PIK3R3: variants seen among roughly 807,000 people sequenced by gnomAD.
PIK3R3 encodes phosphoinositide-3-kinase regulatory subunit 3, also known as phosphatidylinositol 3-kinase regulatory subunit gamma.
In PIK3R3, 64 loss-of-function variants were observed where a neutral mutation model predicts 62.9. The ratio of observed to expected loss-of-function variants is 1.02; its 90% confidence interval spans 0.83 to 1.25. The LOEUF is 1.25. Among genes scored for constraint, PIK3R3 ranks in the 50% most tolerant of loss-of-function variants. The pLI is 0.00. For missense variants in PIK3R3, 614 were observed against 561.6 expected, an observed-to-expected ratio of 1.09 and a Z score of -0.94; for synonymous variants, 165 against 189.0, an observed-to-expected ratio of 0.87 and a Z score of 1.04.
chr1:46,165,915 C>T, the PIK3R3 span, among the ~76,000 whole-genome samples: 4 of 151,080 alleles, frequency 2.6e-5, no homozygotes, highest in African/African-American at 7.3e-5. Flanking sequence ...GGACTACAGG[C>T]GCCCGCCACC....
intron 3 of PIK3R3, among the ~76,000 whole-genome samples, chr1:46,072,691 C>G (rs1649650906): frequency 6.6e-6 from 1 of 152,160 alleles, no homozygotes; most frequent in Non-Finnish European, 1.5e-5. Flanking sequence ...TGGCTCATGC[C>G]TGTAATCCCA....
chr1:46,131,849 G>A lies in PIK3R3; in HGVS notation c.104C>T (p.Pro35Leu), dbSNP rs1655632008. The change falls in exon 1 of 10, where the codon CCA becomes CTA. Residue 35 changes from proline (P) to leucine (L), a missense_variant and splice_region_variant. Physicochemically the swap from Pro to Leu is moderately conservative, Grantham distance 98 (BLOSUM62 -3). Coordinates refer to ENST00000262741, the MANE Select transcript of PIK3R3 (RefSeq NM_003629.4). The stretch of plus-strand genomic sequence containing the variant: ...CTTTTTTTTTTTCTCCCAAGTACCT[G>A]GAGGATCCATTTCAATATAAAATAT... The part of the protein sequence containing the change: ...ELIFYIEMDP[P>L]ALPPKPPKPM... The A allele has an allele frequency of 6.2e-7, 1 of 1,610,702 alleles. No individual in the cohort carries two copies. The highest frequency in any genetic ancestry group is 8.5e-7 in the Non-Finnish European group (1 of 1,177,484).
Position 46,110,275 on chromosome 1 carries a change from CTTT to C in PIK3R3, c.106+21569_106+21571del, listed in dbSNP as rs35873858. Among the ~76,000 whole-genome samples the C allele has an allele frequency of 1.8e-4, 13 of 71,314 alleles. No individual in the cohort carries two copies. The South Asian group carries it at 2.5e-3, about 14-fold the overall frequency. 46.8% of individuals were successfully genotyped at this position (71,314 alleles called of 152,430 possible). On this transcript the variant is annotated intron_variant, in intron 1 of 9. Transcript: ENST00000262741. ...TACAGGCACATGCCACCAGGCTTGG[CTTT>C]TTTTTTTTTTTTTTTTTTTTAGTAG...
At chr1:46,083,129 T>A (rs991727272) in intron 1 of PIK3R3, among the ~76,000 whole-genome samples, 2 of 152,114 alleles carry the variant, frequency 1.3e-5, no homozygotes, top group Non-Finnish European at 2.9e-5. Context: ...ATTTTCAACA[T>A]GGATGTCAAA....
intron 1 of PIK3R3, among the ~76,000 whole-genome samples, chr1:46,082,500 A>G (rs564336757): frequency 2.6e-5 from 4 of 152,334 alleles, no homozygotes; most frequent in South Asian, 4.1e-4. Context: ...TGAGTATGAC[A>G]TAGTAGTAGT....
chr1:46,162,226 G>C, the PIK3R3 span, among the ~76,000 whole-genome samples: 2 of 152,126 alleles, frequency 1.3e-5, no homozygotes, highest in Non-Finnish European at 1.5e-5. Context: ...GCTCATGCCT[G>C]TAATCCCAGC....
chr1:46,172,190 T>C, the PIK3R3 span, among the ~76,000 whole-genome samples: 1 of 152,164 alleles, frequency 6.6e-6, no homozygotes, highest in Admixed American at 6.5e-5. Context: ...CTTCTCCACC[T>C]GCCTGCCATC....
upstream of PIK3R3, chr1:46,133,032 C>G: frequency 9.8e-7 from 1 of 1,022,712 alleles, no homozygotes; most frequent in Non-Finnish European, 1.2e-6. Flanking sequence ...TGGCTGAGGC[C>G]GGTTGCCGGA....
rs929839260 is a variant in PIK3R3, at chr1:46,055,940, G to A, written c.796C>T (p.Arg266Cys). 8.8e-6 allele frequency: 14 copies of A among 1,596,678 alleles called. No homozygotes were observed. The highest frequency in any genetic ancestry group is 5.4e-5 in the African/African-American group (4 of 73,458). ...IMMNYDKLKS[R>C]LGEIHDSKMR... The stretch of plus-strand genomic sequence containing the variant: ...TTGCTATCATGAATCTCACCCAGAC[G>A]TGATTTCAATTTATCATAATTCATC... Residue 266 changes from arginine to cysteine, a missense_variant, in exon 7 of 10, where the codon CGT becomes TGT. Coordinates refer to ENST00000262741, the MANE Select transcript of PIK3R3 (RefSeq NM_003629.4).
chr1:46,115,772 T>C (rs785502), intron 1 of PIK3R3, among the ~76,000 whole-genome samples: 69,852 of 152,106 alleles, frequency 0.46, 16,202 homozygotes, highest in East Asian at 0.61. Flanking sequence ...CTACCACAGA[T>C]AAGTGTGACA....
intron 6 of PIK3R3, among the ~76,000 whole-genome samples, chr1:46,060,591 T>C (rs1023966165): frequency 1.3e-5 from 2 of 152,268 alleles, no homozygotes; most frequent in African/African-American, 4.8e-5. Context: ...ATTCAGTTTA[T>C]GGAAGAGAAA....
At chr1:46,121,142 G>C (rs1375364781) in intron 1 of PIK3R3, among the ~76,000 whole-genome samples, 1 of 152,174 alleles carries the variant, frequency 6.6e-6, no homozygotes, top group Non-Finnish European at 1.5e-5. Context: ...TATTAAATGA[G>C]AAGATAAAAT....
intron 1 of PIK3R3, among the ~76,000 whole-genome samples, chr1:46,122,569 T>C (rs772816298): frequency 2.0e-5 from 3 of 152,274 alleles, no homozygotes; most frequent in Admixed American, 2.0e-4. Flanking sequence ...GGTTTCACCA[T>C]GTTGGCCAGG....
the PIK3R3 span, among the ~76,000 whole-genome samples, chr1:46,150,479 C>T: frequency 1.1e-4 from 17 of 152,268 alleles, no homozygotes; most frequent in African/African-American, 4.1e-4. Context: ...TCTAAGATAA[C>T]ACAGACTTTC....
upstream of PIK3R3, chr1:46,132,734 G>A (rs1369742063): frequency 4.7e-6 from 6 of 1,288,030 alleles, no homozygotes; most frequent in South Asian, 2.5e-5. Context: ...CGGGAGGGGG[G>A]ACAGCAGGCA....
chr1:46,151,242 A>G, the PIK3R3 span, among the ~76,000 whole-genome samples: 1 of 152,198 alleles, frequency 6.6e-6, no homozygotes. Context: ...AGGAAACTCA[A>G]GCCTGACAAT....
In PIK3R3 at chr1:46,132,404, G is replaced by C. The variant is rs543047462; in HGVS notation, c.-452C>G. The C allele has an allele frequency of 7.1e-6, 8 of 1,121,866 alleles. No individual in the cohort carries two copies. The East Asian group carries it at 6.4e-4, about 90-fold the overall frequency. 69.5% of individuals were successfully genotyped at this position (1,121,866 alleles called of 1,614,324 possible). On this transcript the variant is annotated 5_prime_UTR_variant, in exon 1 of 10. Transcript: ENST00000262741. ...GCAAGTGACAAAGGAAGGCAAAAAAGGGGGCTGGAGATTGCGTTCAAGTTT... is the reference window on the plus strand; with the variant it reads ...GCAAGTGACAAAGGAAGGCAAAAAACGGGGCTGGAGATTGCGTTCAAGTTT...
chr1:46,163,653 C>A, the PIK3R3 span, among the ~76,000 whole-genome samples: 10 of 152,306 alleles, frequency 6.6e-5, no homozygotes, highest in East Asian at 1.9e-3. Flanking sequence ...TACTACTCCC[C>A]AGATGGCATT....
At chr1:46,046,957 G>C (rs1647132403) in intron 7 of PIK3R3, 2 of 326,958 alleles carry the variant, frequency 6.1e-6, no homozygotes, top group South Asian at 6.2e-5. Context: ...GAAAACATTA[G>C]GTTAGCATGG....
Sources: gnomAD v4.1 joint callset for allele counts (sites outside exome capture counted in the v4.1 genomes callset) on GRCh38, gnomAD v4.1.1 for gene constraint, MANE v1.5 for transcripts, NCBI Gene and HGNC (gene_info 2026-07-23, HGNC 2026-07-21) for gene names.